The following DGKG variants were observed in gnomAD, a reference collection of about 807,000 sequenced individuals.
DGKG encodes the protein DAG kinase gamma.
DGKG carries 78 observed loss-of-function variants against 105.3 expected under a neutral mutation model. The ratio of observed to expected loss-of-function variants is 0.74; its 90% CI spans 0.62 to 0.89. The LOEUF is 0.89. Ranked by LOEUF, DGKG falls within the 40% of genes least tolerant of loss-of-function variation. The pLI is 0.00. For synonymous variants in DGKG, 346 were observed against 367.1 expected (o/e 0.94, Z 0.66); for missense variants, 958 against 1,020.1 (o/e 0.94, Z 0.83).
chr3:186,259,056 T>C (rs1301903012), intron 16 of DGKG, among the ~76,000 whole-genome samples: 2 of 152,178 alleles, frequency 1.3e-5, no homozygotes, highest in East Asian at 1.9e-4. Flanking sequence ...CACTGATGCA[T>C]GTGTAGGCAA....
intron 23 of DGKG, among the ~76,000 whole-genome samples, chr3:186,161,893 G>A (rs1212920220): frequency 2.0e-5 from 3 of 152,100 alleles, no homozygotes; most frequent in Admixed American, 6.6e-5. Flanking sequence ...GTGTCTGTGT[G>A]TGTGTGTGTG....
rs542830209 is a variant in DGKG, at chr3:186,202,897, C to T, written c.1917+8898G>A. 5.3e-5 allele frequency among the ~76,000 whole-genome samples: 8 copies of T among 152,024 alleles called. No individual in the cohort carries two copies. In the South Asian group the frequency reaches 6.2e-4, roughly 12 times the overall value. On this transcript the variant is annotated intron_variant, in intron 21 of 24. Transcript: ENST00000265022. ...TCTTTAAAAGTTACTTCTAAGTCCA[C>T]GGAAGACACAAAGTAGATAGAGCCA... is the stretch of plus-strand genomic sequence containing the variant.
chr3:186,349,766 T>C (rs540469551), intron 1 of DGKG, among the ~76,000 whole-genome samples: 1 of 152,332 alleles, frequency 6.6e-6, no homozygotes, highest in East Asian at 1.9e-4. Flanking sequence ...TTTAAAGTTT[T>C]TTTACATGGT....
chr3:186,184,877 C>T (rs1717546915), intron 22 of DGKG, among the ~76,000 whole-genome samples: 1 of 152,150 alleles, frequency 6.6e-6, no homozygotes, highest in African/African-American at 2.4e-5. Context: ...TCTGCCTCCT[C>T]AGCCAGTAGC....
rs992160210 is a variant in DGKG at position 186,319,563 on chromosome 3, C to G, written c.67+830G>C. ...GAGGCCATGGGACAAGGGCATGGAG[C>G]AGGCAGTGCAGCTGAGAGCTCTACA... On this transcript the variant is annotated intron_variant, in intron 2 of 24. Coordinates refer to ENST00000265022, the MANE Select transcript of DGKG (RefSeq NM_001346.3). Among the ~76,000 whole-genome samples, 3 of 152,308 alleles carry G rather than the reference C, an allele frequency of 2.0e-5. No homozygotes were observed. The South Asian group carries it at 6.2e-4, about 32-fold the overall frequency.
intron 1 of DGKG, among the ~76,000 whole-genome samples, chr3:186,346,826 T>A (rs1267105147): frequency 6.6e-6 from 1 of 152,206 alleles, no homozygotes; most frequent in African/African-American, 2.4e-5. Context: ...AAGTCCCATA[T>A]ATGTCCATTC....
intron 20 of DGKG, among the ~76,000 whole-genome samples, chr3:186,238,085 G>T (rs1382459199): frequency 6.6e-6 from 1 of 151,932 alleles, no homozygotes; most frequent in Non-Finnish European, 1.5e-5. Flanking sequence ...TTGAGGTCAG[G>T]AGTTCAAGAC....
chr3:186,299,840 T>TCTTTC (rs1553815789), intron 3 of DGKG, among the ~76,000 whole-genome samples: 43 of 80,684 alleles, frequency 5.3e-4, no homozygotes, highest in African/African-American at 1.4e-3. Flanking sequence ...TTTCTTTCTT[T>TCTTTC]TTTTTTTTTT....
chr3:186,171,658 A>T (rs1716824121), intron 22 of DGKG, among the ~76,000 whole-genome samples: 1 of 152,212 alleles, frequency 6.6e-6, no homozygotes, highest in Non-Finnish European at 1.5e-5. Context: ...AAAATCTTTG[A>T]TCTGCTCTTG....
chr3:186,148,812 C>A lies in DGKG; in HGVS notation c.*1278G>T, dbSNP rs778551018. ...AGGGAGCTACTTTCATTCCCCTTAACCCTTGTGATCACCACAGGGAGATGC... is the reference window on the plus strand; with the variant it reads ...AGGGAGCTACTTTCATTCCCCTTAAACCTTGTGATCACCACAGGGAGATGC... On this transcript the variant is annotated 3_prime_UTR_variant, in exon 25 of 25. Transcript: ENST00000265022. 4.3e-5 allele frequency: 42 copies of A among 985,520 alleles called. No individual in the cohort carries two copies. Among genetic ancestry groups the A allele is most frequent in the Non-Finnish European group, 5.1e-5 (42 of 829,870 alleles). The allele number at this position is 985,520 out of a possible 1,614,324, so 61.0% of individuals were successfully genotyped here. A position where few individuals can be genotyped will look rare whatever the true frequency, so the allele number is the denominator to read the frequency against.
Position 186,253,119 on chromosome 3 carries a change from A to C in DGKG, c.1574T>G (p.Leu525Arg), listed in dbSNP as rs767692167. ...TCCTCCCCAGCGGAGACAACGGGCAAGGTCATTTCCTGTTCCAAGAGGCAG... is the reference window on the plus strand; with the variant it reads ...TCCTCCCCAGCGGAGACAACGGGCACGGTCATTTCCTGTTCCAAGAGGCAG... ...AVLPLGTGND[L>R]ARCLRWGGGY... Residue 525 changes from leucine to arginine, a missense_variant, in exon 18 of 25, where the codon CTT (leucine) becomes CGT (arginine). Physicochemically the swap from Leu to Arg is moderately radical, Grantham distance 102. Around this residue, in one of 2 missense-constraint regions of DGKG, gnomAD observed 315 missense variants for 400.6 expected, o/e 0.79. Coordinates refer to ENST00000265022, the MANE Select transcript of DGKG (RefSeq NM_001346.3). 1 of 1,614,228 alleles carries C rather than the reference A, an allele frequency of 6.2e-7. No homozygotes were observed. The highest frequency in any genetic ancestry group is 8.5e-7 in the Non-Finnish European group (1 of 1,180,032).
intron 1 of DGKG, among the ~76,000 whole-genome samples, chr3:186,328,444 C>T (rs1316561157): frequency 1.3e-5 from 2 of 152,256 alleles, no homozygotes; most frequent in East Asian, 3.9e-4. Flanking sequence ...AGCTGATGCT[C>T]CTGCTGAGGA....
chr3:186,232,310 A>C (rs2108541444), intron 20 of DGKG, among the ~76,000 whole-genome samples: 1 of 152,366 alleles, frequency 6.6e-6, no homozygotes, highest in South Asian at 2.1e-4. Flanking sequence ...TAATGTTTTA[A>C]ACTAGTGTCT....
At chr3:186,181,961 T>A (rs1335355841) in intron 22 of DGKG, among the ~76,000 whole-genome samples, 1 of 152,212 alleles carries the variant, frequency 6.6e-6, no homozygotes, top group Non-Finnish European at 1.5e-5. Flanking sequence ...TCTGCATTTA[T>A]ATTTTAGGCT....
chr3:186,258,646 T>C (rs1721598272), intron 16 of DGKG, among the ~76,000 whole-genome samples: 1 of 152,194 alleles, frequency 6.6e-6, no homozygotes. Context: ...TGTTTCATTA[T>C]GGTTGTGACA....
chr3:186,200,104 G>T (rs1439641163), intron 21 of DGKG, among the ~76,000 whole-genome samples: 3 of 152,206 alleles, frequency 2.0e-5, no homozygotes, highest in African/African-American at 7.2e-5. Flanking sequence ...ATCAAGAGAA[G>T]AGTGGTCCAG....
chr3:186,247,434 CT>C (rs1720996157), intron 19 of DGKG, among the ~76,000 whole-genome samples: 2 of 152,086 alleles, frequency 1.3e-5, no homozygotes, highest in Admixed American at 1.3e-4. Flanking sequence ...ATTCTAGGTC[CT>C]TCAAAAGAGG....
intron 17 of DGKG, among the ~76,000 whole-genome samples, chr3:186,254,465 C>T (rs1721369974): frequency 6.6e-6 from 1 of 152,134 alleles, no homozygotes; most frequent in African/African-American, 2.4e-5. Flanking sequence ...ACAGCCTGCT[C>T]CCTTTGCCTA....
chr3:186,352,083 C>T (rs1726658317), intron 1 of DGKG, among the ~76,000 whole-genome samples: 1 of 152,222 alleles, frequency 6.6e-6, no homozygotes, highest in South Asian at 2.1e-4. Context: ...AAGGCCCCTC[C>T]CCACTCCCCC....
Sources: gnomAD v4.1 joint callset for allele counts (sites outside exome capture counted in the v4.1 genomes callset) on GRCh38, gnomAD v4.1.1 for gene constraint, gnomAD v4.1.1 regional missense constraint, MANE v1.5 for transcripts, NCBI Gene and HGNC (gene_info 2026-07-23, HGNC 2026-07-21) for gene names.